SDK1: variants seen among roughly 807,000 people sequenced by gnomAD.
The protein encoded by SDK1 is sidekick cell adhesion molecule 1.
In SDK1, 157 loss-of-function variants were observed where a neutral mutation model predicts 245.5. The observed-to-expected ratio is 0.64, with a 90% CI of 0.56 to 0.73. The LOEUF is 0.73. Among genes scored for constraint, SDK1 ranks in the 30% least tolerant of loss-of-function variants. The pLI, the probability that SDK1 is intolerant of heterozygous loss-of-function variation, is 0.00. For missense variants in SDK1, 3,583 were observed against 3,002.3 expected (o/e 1.19, Z -4.52); for synonymous variants, 1,647 against 1,278.5 (o/e 1.29, Z -6.15).
At chr7:3,568,025 T>C (rs571519601) in intron 1 of SDK1, among the ~76,000 whole-genome samples, 5 of 152,224 alleles carry the variant, frequency 3.3e-5, no homozygotes, top group African/African-American at 1.2e-4. Context: ...CTCACTATGT[T>C]GTCCAGGCTG....
intron 1 of SDK1, among the ~76,000 whole-genome samples, chr7:3,573,596 C>G (rs1780185366): frequency 6.6e-6 from 1 of 152,002 alleles, no homozygotes; most frequent in Non-Finnish European, 1.5e-5. Flanking sequence ...TGCTTAATGG[C>G]CACTTCTTCC....
chr7:3,487,480 T>G (rs1001982241), intron 1 of SDK1, among the ~76,000 whole-genome samples: 12 of 151,954 alleles, frequency 7.9e-5, no homozygotes, highest in African/African-American at 2.9e-4. Flanking sequence ...GGTGGCTCAT[T>G]CTGGTAATCC....
In SDK1 at chr7:4,022,823, G is replaced by A. The variant is rs28371834; in HGVS notation, c.2602+5471G>A. Among the ~76,000 whole-genome samples, 1,007 of 148,776 alleles carry A rather than the reference G, an allele frequency of 6.8e-3. 14 individuals are homozygous for A. Among genetic ancestry groups the A allele is most frequent in the African/African-American group, 0.024 (952 of 39,588 alleles). On this transcript the variant is annotated intron_variant, in intron 17 of 44. Coordinates refer to ENST00000404826, the MANE Select transcript of SDK1 (RefSeq NM_152744.4). ...GAGTCTTGCTCTGTCTCCCAGGCTG[G>A]AGTGCAGTGGCGCGATCTCGGCTCA...
intron 4 of SDK1, among the ~76,000 whole-genome samples, chr7:3,655,448 A>AATATATAT (rs1194322286): frequency 6.9e-4 from 46 of 66,286 alleles, no homozygotes; most frequent in South Asian, 1.8e-3. Flanking sequence ...AAACAAAACA[A>AATATATAT]ATATATATAT....
chr7:3,965,413 G>T (rs1043701748), intron 9 of SDK1, among the ~76,000 whole-genome samples: 38 of 152,216 alleles, frequency 2.5e-4, no homozygotes, highest in African/African-American at 7.5e-4. Context: ...CACCTGCACT[G>T]TTACCACGGC....
intron 4 of SDK1, among the ~76,000 whole-genome samples, chr7:3,819,655 C>G (rs1242662919): frequency 2.0e-5 from 3 of 151,906 alleles, no homozygotes; most frequent in Non-Finnish European, 2.9e-5. Context: ...TATAATAAAA[C>G]TCTATTGAAA....
At chr7:4,132,698 A>G in intron 28 of SDK1, 1 of 341,898 alleles carries the variant, frequency 2.9e-6, no homozygotes, top group Non-Finnish European at 5.6e-6. Flanking sequence ...ACTGCACTCC[A>G]GCCTGAGAGA....
chr7:4,148,390 C>T lies in SDK1; in HGVS notation c.4424-872C>T, dbSNP rs1013325252. 4.6e-5 allele frequency among the ~76,000 whole-genome samples: 7 copies of T among 152,248 alleles called. No homozygotes were observed. In the East Asian group the frequency reaches 5.8e-4, roughly 13 times the overall value. The stretch of plus-strand genomic sequence containing the variant: ...TCGATGGGGTGCAGAGGCACAGCGG[C>T]GGCAGATGATGGGCACTCCAGGCCG... On this transcript the variant is annotated intron_variant, in intron 29 of 44. Coordinates refer to ENST00000404826, the MANE Select transcript of SDK1 (RefSeq NM_152744.4).
chr7:3,376,106 A>G lies in SDK1; in HGVS notation c.298+74222A>G, dbSNP rs1781349140. On this transcript the variant is annotated intron_variant, in intron 1 of 44. Coordinates refer to ENST00000404826, the MANE Select transcript of SDK1 (RefSeq NM_152744.4). ...TAGTGCTTTGGGAGGCTGAGGTAGGAGGATTGCTTGGGCCCAGGAGTTTGA... is the reference window on the plus strand; with the variant it reads ...TAGTGCTTTGGGAGGCTGAGGTAGGGGGATTGCTTGGGCCCAGGAGTTTGA... Among the ~76,000 whole-genome samples, 3 of 152,156 alleles carry G rather than the reference A, an allele frequency of 2.0e-5. No homozygotes were observed. The South Asian group carries it at 6.2e-4, about 32-fold the overall frequency.
chr7:4,141,622 T>C (rs140445508), intron 28 of SDK1, among the ~76,000 whole-genome samples: 373 of 152,298 alleles, frequency 2.4e-3, no homozygotes, highest in African/African-American at 8.5e-3. Context: ...TCAGGTAGGC[T>C]GGTGGGATCC....
At chr7:3,994,910 C>T (rs575493159) in intron 14 of SDK1, among the ~76,000 whole-genome samples, 17 of 152,254 alleles carry the variant, frequency 1.1e-4, no homozygotes, top group South Asian at 4.2e-4. Flanking sequence ...TGAGTGGTTT[C>T]CCCTGCCTGA....
intron 14 of SDK1, among the ~76,000 whole-genome samples, chr7:4,007,999 C>T (rs997413511): frequency 2.0e-5 from 3 of 152,186 alleles, no homozygotes; most frequent in African/African-American, 7.2e-5. Flanking sequence ...CCACCGTCAC[C>T]ACCATCCTTC....
At chr7:4,131,194 A>C (rs571424004) in intron 27 of SDK1, among the ~76,000 whole-genome samples, 3 of 152,224 alleles carry the variant, frequency 2.0e-5, no homozygotes, top group Non-Finnish European at 4.4e-5. Context: ...GTGTAACAGC[A>C]GGCCCACTGC....
chr7:3,783,210 G>C (rs572583502), intron 4 of SDK1, among the ~76,000 whole-genome samples: 1 of 152,186 alleles, frequency 6.6e-6, no homozygotes, highest in African/African-American at 2.4e-5. Flanking sequence ...TAGAAGGAGT[G>C]GACTTCAACA....
rs763547786 is a variant in SDK1 at position 4,017,214 on chromosome 7, A to T, written c.2464A>T (p.Ile822Phe). Residue 822 changes from isoleucine (I) to phenylalanine (F), a missense_variant, in exon 17 of 45, where the codon ATC becomes TTC. By Grantham distance (21) the Ile-to-Phe change is conservative. Transcript: ENST00000404826. ...GLPGEYQQRN[I>F]TSPEVNYCLV... ...TCCCGGAGAGTACCAGCAGCGGAAC[A>T]TCACCAGCCCGGAGGTGAACTACTG... The T allele has an allele frequency of 2.5e-6, 4 of 1,613,794 alleles. No homozygotes were observed. In the Admixed American group the frequency reaches 6.7e-5, roughly 27 times the overall value.
Position 3,821,701 on chromosome 7 carries a change from G to A in SDK1, c.847+118G>A, listed in dbSNP as rs10240325. 3.4e-3 allele frequency: 3,497 copies of A among 1,043,454 alleles called. 82 individuals are homozygous for A. The African/African-American group carries it at 0.051, about 15-fold the overall frequency. 64.6% of individuals were successfully genotyped at this position (1,043,454 alleles called of 1,614,324 possible). On this transcript the variant is annotated intron_variant, in intron 5 of 44. Coordinates refer to ENST00000404826, the MANE Select transcript of SDK1 (RefSeq NM_152744.4). ...TTTCTCTCTCTAGTGTAGTAGTTAC[G>A]GTTTAATATTGATCCAGTGCCAATA... is the stretch of plus-strand genomic sequence containing the variant.
intron 4 of SDK1, among the ~76,000 whole-genome samples, chr7:3,657,517 G>C (rs1783224500): frequency 6.6e-6 from 1 of 152,174 alleles, no homozygotes; most frequent in African/African-American, 2.4e-5. Context: ...ATTTAAAGCA[G>C]GAAGAGGGAC....
chr7:4,001,622 A>G (rs568059262), intron 14 of SDK1, among the ~76,000 whole-genome samples: 12 of 152,364 alleles, frequency 7.9e-5, no homozygotes, highest in African/African-American at 2.9e-4. Flanking sequence ...AACTTGGTGC[A>G]TTTTAATCCT....
intron 1 of SDK1, among the ~76,000 whole-genome samples, chr7:3,418,074 C>T (rs1779425153): frequency 6.7e-6 from 1 of 148,932 alleles, no homozygotes; most frequent in Admixed American, 6.7e-5. Flanking sequence ...GGTAAAAATT[C>T]CTGATCACTT....
Sources: allele counts gnomAD v4.1 joint callset (sites outside exome capture counted in the v4.1 genomes callset), GRCh38; gene constraint gnomAD v4.1.1; transcripts MANE v1.5; gene names NCBI Gene and HGNC (gene_info 2026-07-23, HGNC 2026-07-21).